Variants in TNRC6A observed in about 807,000 individuals in gnomAD.
The protein encoded by TNRC6A is trinucleotide repeat-containing gene 6A protein.
TNRC6A carries 44 observed loss-of-function variants against 221.2 expected under a neutral mutation model. The observed-to-expected ratio is 0.20, with a 90% CI of 0.16 to 0.26. The LOEUF is 0.26. Among genes scored for constraint, TNRC6A ranks in the 10% least tolerant of loss-of-function variants. The pLI, the probability that TNRC6A is intolerant of heterozygous loss-of-function variation, is 1.00. For missense variants in TNRC6A, 2,199 were observed against 2,404.4 expected (o/e 0.91, Z 1.79); for synonymous variants, 847 against 838.5 (o/e 1.01, Z -0.18).
intron 2 of TNRC6A, among the ~76,000 whole-genome samples, chr16:24,643,618 C>T (rs1902113728): frequency 6.6e-6 from 1 of 152,112 alleles, no homozygotes; most frequent in Admixed American, 6.6e-5. Flanking sequence ...AGACTTGAGG[C>T]TTGGCCCCGT....
chr16:24,739,148 A>C (rs2056836897), intron 2 of TNRC6A, among the ~76,000 whole-genome samples: 1 of 152,200 alleles, frequency 6.6e-6, no homozygotes. Context: ...CAATGTATGG[A>C]GGCACTAGGT....
At chr16:24,716,049 A>G (rs1189956850) in intron 2 of TNRC6A, among the ~76,000 whole-genome samples, 5 of 151,980 alleles carry the variant, frequency 3.3e-5, no homozygotes, top group African/African-American at 1.2e-4. Flanking sequence ...TCTGACCTGC[A>G]AACTAGCCAC....
intron 4 of TNRC6A, among the ~76,000 whole-genome samples, chr16:24,760,301 A>G (rs1490218366): frequency 6.6e-6 from 1 of 152,132 alleles, no homozygotes; most frequent in East Asian, 1.9e-4. Context: ...GCACTTGGTT[A>G]TATTCTTACA....
At chr16:24,648,274 C>CTTTTTTTT (rs71156430) in intron 2 of TNRC6A, among the ~76,000 whole-genome samples, 2 of 97,890 alleles carry the variant, frequency 2.0e-5, no homozygotes, top group East Asian at 2.6e-4. Flanking sequence ...TCCACAGCAA[C>CTTTTTTTT]TTTTTTTTTT....
chr16:24,682,934 C>T (rs1342182512), intron 2 of TNRC6A, among the ~76,000 whole-genome samples: 1 of 152,154 alleles, frequency 6.6e-6, no homozygotes, highest in East Asian at 1.9e-4. Context: ...GAATTTAACC[C>T]TCACAATAAT....
At chr16:24,731,163 C>T (rs1425804874) in intron 2 of TNRC6A, among the ~76,000 whole-genome samples, 1 of 152,058 alleles carries the variant, frequency 6.6e-6, no homozygotes, top group Non-Finnish European at 1.5e-5. Flanking sequence ...CTCAGGGAAA[C>T]TTAGCCAATT....
intron 2 of TNRC6A, among the ~76,000 whole-genome samples, chr16:24,677,702 G>A (rs1251583959): frequency 1.3e-5 from 2 of 152,146 alleles, no homozygotes; most frequent in Admixed American, 6.6e-5. Context: ...TAAACTCCAT[G>A]AGGGTTTGAG....
chr16:24,633,464 G>T (rs945984383), intron 1 of TNRC6A, among the ~76,000 whole-genome samples: 2 of 149,826 alleles, frequency 1.3e-5, no homozygotes, highest in African/African-American at 4.9e-5. Context: ...GTGCAATCTC[G>T]GCTCACTGCA....
intron 3 of TNRC6A, among the ~76,000 whole-genome samples, chr16:24,754,064 A>T (rs914218184): frequency 6.6e-6 from 1 of 152,174 alleles, no homozygotes; most frequent in African/African-American, 2.4e-5. Flanking sequence ...AAAATAATAT[A>T]TTGTGATAAT....
At chr16:24,753,773 T>C (rs1325521357) in intron 3 of TNRC6A, among the ~76,000 whole-genome samples, 1 of 152,214 alleles carries the variant, frequency 6.6e-6, no homozygotes, top group Admixed American at 6.5e-5. Context: ...CAGTAAAAAG[T>C]ATTTTATGTA....
At chr16:24,783,404 C>T (rs865915860) in intron 5 of TNRC6A, among the ~76,000 whole-genome samples, 1 of 152,204 alleles carries the variant, frequency 6.6e-6, no homozygotes, top group East Asian at 1.9e-4. Flanking sequence ...GCTGGGATTA[C>T]AGGCATGAGC....
intron 2 of TNRC6A, among the ~76,000 whole-genome samples, chr16:24,691,801 G>A (rs1457038525): frequency 6.6e-6 from 1 of 151,270 alleles, no homozygotes; most frequent in African/African-American, 2.4e-5. Context: ...AGGAAGGGAG[G>A]GAGGGAGGGA....
intron 2 of TNRC6A, among the ~76,000 whole-genome samples, chr16:24,704,029 A>T (rs1214160852): frequency 6.6e-6 from 1 of 151,878 alleles, no homozygotes; most frequent in African/African-American, 2.4e-5. Context: ...ACCTGCAGTG[A>T]AATGTGTTCA....
rs71156440 is a variant in TNRC6A at position 24,812,019 on chromosome 16, A to ATTTTTTTTTTTTTTTTTTTTT, written c.4672+2565_4672+2585dup. 2.0e-4 allele frequency among the ~76,000 whole-genome samples: 8 copies of ATTTTTTTTTTTTTTTTTTTTT among 40,852 alleles called. 3 individuals are homozygous for ATTTTTTTTTTTTTTTTTTTTT. The highest frequency in any genetic ancestry group is 3.4e-4 in the Non-Finnish European group (8 of 23,658). 26.8% of individuals were successfully genotyped at this position (40,852 alleles called of 152,430 possible). A position where few individuals can be genotyped will look rare whatever the true frequency, so the allele number is the denominator to read the frequency against. On this transcript the variant is annotated intron_variant, in intron 18 of 24. Coordinates refer to ENST00000395799, the MANE Select transcript of TNRC6A (RefSeq NM_014494.4). Reference sequence around the variant, plus strand: ...CCGTTCAGGGGAATGTCACTTTGGGATTTTTTTTTTTTTTTTTTTTTTTTT... The same window carrying ATTTTTTTTTTTTTTTTTTTTT: ...CCGTTCAGGGGAATGTCACTTTGGGATTTTTTTTTTTTTTTTTTTTTTTTTTTTTTTTTTTTTTTTTTTTTT...
At chr16:24,612,246 T>G (rs1900088435) in intron 1 of TNRC6A, among the ~76,000 whole-genome samples, 1 of 152,104 alleles carries the variant, frequency 6.6e-6, no homozygotes, top group Non-Finnish European at 1.5e-5. Flanking sequence ...CAAGAAACTT[T>G]TAACAACGAC....
intron 2 of TNRC6A, among the ~76,000 whole-genome samples, chr16:24,657,379 A>G (rs1005031874): frequency 6.6e-6 from 1 of 151,436 alleles, no homozygotes; most frequent in Middle Eastern, 3.4e-3. Context: ...AAACCTCTAG[A>G]GAGACTTATC....
rs575663754 is a variant in TNRC6A, at chr16:24,739,150, G to A, written c.53+8850G>A. On this transcript the variant is annotated intron_variant, in intron 2 of 24. Coordinates refer to ENST00000395799, the MANE Select transcript of TNRC6A (RefSeq NM_014494.4). ...ACATTCTCATCAGCAATGTATGGAGGCACTAGGTTCTCCACATCCTTTCCA... is the reference window on the plus strand; with the variant it reads ...ACATTCTCATCAGCAATGTATGGAGACACTAGGTTCTCCACATCCTTTCCA... Among the ~76,000 whole-genome samples the A allele has an allele frequency of 4.6e-5, 7 of 152,298 alleles. No homozygotes were observed. The South Asian group carries it at 1.0e-3, about 23-fold the overall frequency.
At chr16:24,815,485 TCAGCCTGTTACCTATGC>T in intron 19 of TNRC6A, 180 bp downstream of exon 19, 1 of 688,506 alleles carries the variant, frequency 1.5e-6, no homozygotes, top group East Asian at 2.8e-5. Flanking sequence ...AGTGAGTGTG[TCAGCCTGTTACCTATGC>T]CTTTATGCTC....
At chr16:24,812,877 CTTTTT>C (rs71383720) in intron 18 of TNRC6A, among the ~76,000 whole-genome samples, 24 of 75,010 alleles carry the variant, frequency 3.2e-4, no homozygotes, top group African/African-American at 1.2e-3. Flanking sequence ...ACCTCTTGGG[CTTTTT>C]TTTTTTTTTT....
Sources: allele counts gnomAD v4.1 joint callset (sites outside exome capture counted in the v4.1 genomes callset), GRCh38; gene constraint gnomAD v4.1.1; transcripts MANE v1.5; gene names NCBI Gene and HGNC (gene_info 2026-07-23, HGNC 2026-07-21).